Variants in PKNOX1 observed in about 807,000 individuals in gnomAD.
PKNOX1 encodes homeobox protein PKNOX1.
A neutral mutation model predicts 51.9 loss-of-function variants in PKNOX1; 15 were observed. The observed-to-expected ratio is 0.29, with a 90% CI of 0.19 to 0.45. The LOEUF is 0.45. PKNOX1 is among the 20% of genes least tolerant of loss of function. The pLI is 1.00. For synonymous variants in PKNOX1, 219 were observed against 211.1 expected (o/e 1.04, Z -0.32); for missense variants, 462 against 547.5 (o/e 0.84, Z 1.56).
intron 1 of PKNOX1, among the ~76,000 whole-genome samples, chr21:42,979,498 T>A (rs1016431470): frequency 6.6e-6 from 1 of 151,936 alleles, no homozygotes; most frequent in Non-Finnish European, 1.5e-5. Context: ...ATCCCAGCAC[T>A]TTGGGAGGCC....
chr21:43,021,335 C>T lies in PKNOX1; in HGVS notation c.753C>T (p.Ile251=). Residue 251 remains isoleucine (I), a synonymous_variant, in exon 8 of 11, where the codon ATC becomes ATT. Transcript: ENST00000291547. The surrounding 1 kb of genome is among the most constrained non-coding windows in gnomAD (Gnocchi z 4.6). ...LQLQLNQDLS[I]LHQDDGSSKN... ...TACAGTTAAACCAAGATCTCAGCAT[C>T]TTGCATCAAGATGATGGTTCATCTA... The T allele has an allele frequency of 6.2e-7, 1 of 1,611,596 alleles. No homozygotes were observed. The highest frequency in any genetic ancestry group is 1.1e-5 in the South Asian group (1 of 90,778).
At position 43,031,008 on chromosome 21, in the gene PKNOX1, T is replaced by C. The variant is rs1481694495; in HGVS notation, c.*907T>C. 1 of 152,582 alleles carries C rather than the reference T, an allele frequency of 6.6e-6. No homozygotes were observed. Among genetic ancestry groups the C allele is most frequent in the African/African-American group, 2.4e-5 (1 of 41,452 alleles). The allele number at this position is 152,582 out of a possible 1,614,324, so 9.5% of individuals were successfully genotyped here. A position where few individuals can be genotyped will look rare whatever the true frequency, so the allele number is the denominator to read the frequency against. ...ATCTAAACATATATCGAAAGATATC[T>C]GCTAAACAGGACTTCAGGTAAGTGA... On this transcript the variant is annotated 3_prime_UTR_variant, in exon 11 of 11. Coordinates refer to ENST00000291547, the MANE Select transcript of PKNOX1 (RefSeq NM_004571.5).
intron 1 of PKNOX1, among the ~76,000 whole-genome samples, chr21:42,977,630 C>T (rs2059004339): frequency 6.7e-6 from 1 of 149,784 alleles, no homozygotes; most frequent in African/African-American, 2.5e-5. Flanking sequence ...TCACTGCAAC[C>T]TCCACCTCCC....
intron 1 of PKNOX1, among the ~76,000 whole-genome samples, chr21:42,992,844 G>GA (rs1568891065): frequency 7.0e-6 from 1 of 143,118 alleles, no homozygotes; most frequent in Non-Finnish European, 1.5e-5. Context: ...CTTCCTCACG[G>GA]TATCGGGGGC....
intron 1 of PKNOX1, among the ~76,000 whole-genome samples, chr21:42,996,017 C>G (rs1218246424): frequency 1.3e-5 from 2 of 152,130 alleles, no homozygotes; most frequent in Non-Finnish European, 2.9e-5. Flanking sequence ...AGCTTGAGAC[C>G]AGCCTGGGCA....
At position 43,010,120 on chromosome 21, in the gene PKNOX1, G is replaced by A. The variant is rs772528876; in HGVS notation, c.247G>A (p.Gly83Ser). The change falls in exon 4 of 11, where the codon GGC becomes AGC. Residue 83 changes from glycine (G) to serine (S), a missense_variant. This residue lies in a region of PKNOX1 where 129 missense variants were observed against 133.4 expected (regional missense o/e 0.97). Coordinates refer to ENST00000291547, the MANE Select transcript of PKNOX1 (RefSeq NM_004571.5). ...KCEQSTQGSE[G>S]TTSASFDVDI... is the part of the protein sequence containing the mutation. ...TGAACAATCTACACAGGGCTCTGAAGGCACAACTTCTGCCAGTTTTGATGT... is the reference window on the plus strand; with the variant it reads ...TGAACAATCTACACAGGGCTCTGAAAGCACAACTTCTGCCAGTTTTGATGT... 1 of 1,607,672 alleles carries A rather than the reference G, an allele frequency of 6.2e-7. No individual in the cohort carries two copies. The highest frequency in any genetic ancestry group is 2.2e-5 in the East Asian group (1 of 44,700).
chr21:42,991,561 C>T (rs770079415), intron 1 of PKNOX1, among the ~76,000 whole-genome samples: 4 of 151,972 alleles, frequency 2.6e-5, no homozygotes, highest in Non-Finnish European at 2.9e-5. Flanking sequence ...CCCGTCTCTA[C>T]TAAAAATTCA....
chr21:42,997,163 G>A (rs1331586931), intron 1 of PKNOX1, among the ~76,000 whole-genome samples: 1 of 152,172 alleles, frequency 6.6e-6, no homozygotes, highest in Non-Finnish European at 1.5e-5. Flanking sequence ...TTACAGGCAT[G>A]AGCCATAACG....
At chr21:42,978,629 G>A (rs1482097202) in intron 1 of PKNOX1, among the ~76,000 whole-genome samples, 3 of 151,568 alleles carry the variant, frequency 2.0e-5, no homozygotes, top group Non-Finnish European at 4.4e-5. Context: ...GACTACAGAC[G>A]TGAGCCACCA....
intron 2 of PKNOX1, among the ~76,000 whole-genome samples, chr21:43,005,152 C>A (rs1978931076): frequency 6.6e-6 from 1 of 152,228 alleles, no homozygotes; most frequent in Non-Finnish European, 1.5e-5. Flanking sequence ...ATCCCACTGA[C>A]TCTGGAGCCA....
intron 1 of PKNOX1, among the ~76,000 whole-genome samples, chr21:42,988,568 T>C (rs929202689): frequency 2.6e-5 from 4 of 152,090 alleles, no homozygotes; most frequent in African/African-American, 9.7e-5. Context: ...TAAAGGAATA[T>C]ATGTGAGTAG....
intron 6 of PKNOX1, 170 bp downstream of exon 6, chr21:43,017,177 A>G: frequency 2.3e-6 from 1 of 436,220 alleles, no homozygotes; most frequent in Non-Finnish European, 4.1e-6. Flanking sequence ...CTCAATAACA[A>G]ATATTTTATG....
chr21:43,029,447 A>G (rs1980143196), intron 10 of PKNOX1, among the ~76,000 whole-genome samples: 1 of 29,670 alleles, frequency 3.4e-5, no homozygotes, highest in East Asian at 9.0e-4. Context: ...TTTTTTTTTG[A>G]GACAGAGTCT....
intron 1 of PKNOX1, among the ~76,000 whole-genome samples, chr21:42,985,196 A>G (rs903312249): frequency 6.6e-6 from 1 of 151,984 alleles, no homozygotes; most frequent in Non-Finnish European, 1.5e-5. Context: ...CACGTTGGCC[A>G]GGCTGATCTC....
intron 4 of PKNOX1, among the ~76,000 whole-genome samples, chr21:43,010,591 C>T (rs1408539732): frequency 2.0e-5 from 3 of 152,130 alleles, no homozygotes; most frequent in Non-Finnish European, 4.4e-5. Context: ...GTGGCTCACA[C>T]CTGTAATCCC....
chr21:42,980,628 TGAA>T (rs927669307), intron 1 of PKNOX1, among the ~76,000 whole-genome samples: 5 of 152,178 alleles, frequency 3.3e-5, no homozygotes, highest in African/African-American at 1.2e-4. Flanking sequence ...AATAAATAGA[TGAA>T]GAAGAGAACA....
intron 9 of PKNOX1, among the ~76,000 whole-genome samples, chr21:43,027,237 A>G (rs2839625): frequency 0.66 from 100,225 of 152,066 alleles, 33,326 homozygotes; most frequent in African/African-American, 0.75. Context: ...GGCCTTAAGC[A>G]TGGTTGGTAT....
intron 5 of PKNOX1, among the ~76,000 whole-genome samples, chr21:43,015,976 C>G (rs1302468099): frequency 6.6e-6 from 1 of 152,132 alleles, no homozygotes; most frequent in African/African-American, 2.4e-5. Flanking sequence ...TGATGTTCCT[C>G]TTTTTCTAAG....
chr21:43,014,232 A>G (rs929192469), intron 5 of PKNOX1, among the ~76,000 whole-genome samples: 5 of 152,096 alleles, frequency 3.3e-5, no homozygotes, highest in Admixed American at 1.3e-4. Context: ...CGTATTAGCC[A>G]GGATGGTCTC....
Sources: gnomAD v4.1 joint callset for allele counts (sites outside exome capture counted in the v4.1 genomes callset) on GRCh38, gnomAD v4.1.1 for gene constraint, gnomAD v4.1.1 regional missense constraint, Gnocchi (gnomAD v3.1) non-coding constraint, MANE v1.5 for transcripts, NCBI Gene and HGNC (gene_info 2026-07-23, HGNC 2026-07-21) for gene names.